The following DENND1C variants were observed in gnomAD, a reference collection of about 807,000 sequenced individuals.
The protein encoded by DENND1C is DENN domain-containing protein 1C.
A neutral mutation model predicts 87.9 loss-of-function variants in DENND1C; 64 were observed. That is an observed-to-expected ratio of 0.73 (90% CI 0.60 to 0.90). The LOEUF is 0.90. Ranked by LOEUF, DENND1C falls within the 40% of genes least tolerant of loss-of-function variation. The pLI, the probability that DENND1C is intolerant of heterozygous loss-of-function variation, is 0.00. For missense variants in DENND1C, 980 were observed against 1,037.0 expected (o/e 0.95, Z 0.76); for synonymous variants, 384 against 424.4 (o/e 0.90, Z 1.17).
At chr19:6,480,146 C>T (rs1182944776) in intron 1 of DENND1C, 95 bp from the exon 2 acceptor site, 3 of 1,529,850 alleles carry the variant, frequency 2.0e-6, no homozygotes, top group African/African-American at 2.7e-5. Context: ...GTGCATGTGC[C>T]ACAAGGTGCG....
chr19:6,467,829 G>A lies in DENND1C; in HGVS notation c.2081C>T (p.Thr694Ile), dbSNP rs2145168191. 2 of 1,567,860 alleles carry A rather than the reference G, an allele frequency of 1.3e-6. No homozygotes were observed. The highest frequency in any genetic ancestry group is 1.7e-6 in the Non-Finnish European group (2 of 1,157,552). Reference protein sequence around the residue: ...TPSHKAAEDSTAQENPTPWLS... With the variant: ...TPSHKAAEDSIAQENPTPWLS... Reference sequence around the variant, plus strand: ...CCAGGGAGTGGGGTTTTCCTGGGCTGTAGAATCTTCAGCTGCCTTGTGGGA... The same window carrying A: ...CCAGGGAGTGGGGTTTTCCTGGGCTATAGAATCTTCAGCTGCCTTGTGGGA... Residue 694 changes from threonine (T) to isoleucine (I), a missense_variant, in exon 23 of 23, where the codon ACA (threonine) becomes ATA (isoleucine). By Grantham distance (89) the Thr-to-Ile change is moderately conservative. Transcript: ENST00000381480.
chr19:6,475,826 C>T lies in DENND1C; in HGVS notation c.779+11G>A, dbSNP rs897099878. ...CCACAGGCCCTGCCCCTCCCAGCTG[C>T]CCTCGCTCACCAGCAGTAGTCCAGC... On this transcript the variant is annotated intron_variant, in intron 11 of 22. Transcript: ENST00000381480. 1.1e-5 allele frequency: 16 copies of T among 1,521,786 alleles called. No individual in the cohort carries two copies. The African/African-American group carries it at 1.9e-4, about 19-fold the overall frequency. The allele number at this position is 1,521,786 out of a possible 1,614,324, so 94.3% of individuals were successfully genotyped here. A position where few individuals can be genotyped will look rare whatever the true frequency, so the allele number is the denominator to read the frequency against.
Position 6,481,719 on chromosome 19 carries a change from G to A in DENND1C, c.-24C>T, listed in dbSNP as rs779269976. ...ATGGTCCCTGCAGGGCCAGCCCAGCGGGGCCCTCTCCCCAGGGGTCCTGGG... is the reference window on the plus strand; with the variant it reads ...ATGGTCCCTGCAGGGCCAGCCCAGCAGGGCCCTCTCCCCAGGGGTCCTGGG... On this transcript the variant is annotated 5_prime_UTR_variant, in exon 1 of 23. Transcript: ENST00000381480. 37 of 1,563,186 alleles carry A rather than the reference G, an allele frequency of 2.4e-5. No individual in the cohort carries two copies. The highest frequency in any genetic ancestry group is 3.6e-5 in the South Asian group (3 of 84,280).
chr19:6,477,186 C>T (rs2092866538), intron 8 of DENND1C, 32 bp downstream of exon 8: 1 of 1,591,014 alleles, frequency 6.3e-7, no homozygotes. Context: ...ACCTGGACCC[C>T]CGACCTTCCA....
At chr19:6,476,749 C>T in intron 10 of DENND1C, 108 bp downstream of exon 10, 1 of 1,156,908 alleles carries the variant, frequency 8.6e-7, no homozygotes, top group Non-Finnish European at 1.2e-6. Flanking sequence ...GGACTTCGCC[C>T]TCGGGTCTCG....
rs2092851906 is a variant in DENND1C at position 6,475,274 on chromosome 19, C to T, written c.1053G>A (p.Pro351=). 2 of 1,612,984 alleles carry T rather than the reference C, an allele frequency of 1.2e-6. No individual in the cohort carries two copies. The highest frequency in any genetic ancestry group is 1.7e-5 in the Admixed American group (1 of 60,002). ...CTCCCGCAGCGTCCCCGCTGCTCAC[C>T]GGGCTGCAGACGAGTGCGTCGCGGT... is the stretch of plus-strand genomic sequence containing the variant. ...GGYRDALVCS[P]GQPVTFSEEV... is the part of the protein sequence containing the mutation. The change falls in exon 14 of 23, where the codon CCG becomes CCA. Residue 351 remains proline (P), a splice_region_variant and synonymous_variant. Transcript: ENST00000381480.
intron 17 of DENND1C, 104 bp downstream of exon 17, chr19:6,471,161 G>T: frequency 6.7e-7 from 1 of 1,486,536 alleles, no homozygotes; most frequent in Non-Finnish European, 9.1e-7. Context: ...GCCCTAACCG[G>T]TCTCAAACTT....
intron 9 of DENND1C, 39 bp downstream of exon 9, chr19:6,477,035 G>A (rs1195877495): frequency 3.1e-6 from 5 of 1,613,224 alleles, no homozygotes; most frequent in Non-Finnish European, 4.2e-6. Context: ...TCCGGGTTTC[G>A]GGACCTGTTC....
chr19:6,473,922 C>T (rs1189171661), intron 14 of DENND1C, among the ~76,000 whole-genome samples: 6 of 151,920 alleles, frequency 3.9e-5, no homozygotes, highest in Admixed American at 2.0e-4. Flanking sequence ...AGGCCGGGCG[C>T]GGTGGATCAC....
intron 14 of DENND1C, among the ~76,000 whole-genome samples, chr19:6,474,680 T>C (rs1339674213): frequency 1.3e-5 from 2 of 152,124 alleles, no homozygotes; most frequent in Non-Finnish European, 2.9e-5. Context: ...TGGGTGGCAC[T>C]ATTGGGGTCC....
rs755385299 is a variant in DENND1C, at chr19:6,475,743, A to T, written c.788T>A (p.Met263Lys). ...GGCGTGCACTCCAATGAGGTAGGGC[A>T]TGGGCGCGCTGCGGACCGAGGGGAC... ...PHLLDYCCAPMPYLIGVHASL... is the reference protein window; with the variant it reads ...PHLLDYCCAPKPYLIGVHASL... The change falls in exon 12 of 23, where the codon ATG becomes AAG. Residue 263 changes from methionine (M) to lysine (K), a missense_variant. Transcript: ENST00000381480. The T allele has an allele frequency of 1.2e-5, 19 of 1,569,170 alleles. No homozygotes were observed. The highest frequency in any genetic ancestry group is 1.6e-5 in the Non-Finnish European group (19 of 1,156,264).
In DENND1C at chr19:6,467,576, G is replaced by A. The variant is rs768375594; in HGVS notation, c.2334C>T (p.Thr778=). 24 of 1,606,252 alleles carry A rather than the reference G, an allele frequency of 1.5e-5. No homozygotes were observed. Among genetic ancestry groups the A allele is most frequent in the Non-Finnish European group, 1.8e-5 (21 of 1,177,364 alleles). ...TGGGCTGGGACTTTTGACAGTTGCT[G>A]GTGGGTGTAGCAGGGGAATTCAGGG... ...PGALNSPATP[T]SNCQKSQPSS... The change falls in exon 23 of 23, where the codon ACC becomes ACT. Residue 778 remains threonine, a synonymous_variant. Coordinates refer to ENST00000381480, the MANE Select transcript of DENND1C (RefSeq NM_024898.4).
intron 10 of DENND1C, 74 bp from the exon 11 acceptor site, chr19:6,476,011 C>T: frequency 7.5e-7 from 1 of 1,332,178 alleles, no homozygotes; most frequent in East Asian, 2.5e-5. Flanking sequence ...CTGCATTTCC[C>T]ACGTCCCCAG....
In DENND1C at chr19:6,479,967, C is replaced by T. The variant is rs371596691; in HGVS notation, c.82+20G>A. On this transcript the variant is annotated intron_variant, in intron 2 of 22. Coordinates refer to ENST00000381480, the MANE Select transcript of DENND1C (RefSeq NM_024898.4). ...CCCACCCTCCCCTCCCACTCCCTCA[C>T]TCCCAGGCTCCCAACTCACCCTCCT... 3 of 1,597,432 alleles carry T rather than the reference C, an allele frequency of 1.9e-6. No individual in the cohort carries two copies. Among genetic ancestry groups the T allele is most frequent in the Middle Eastern group, 1.7e-4 (1 of 6,002 alleles).
intron 10 of DENND1C, chr19:6,476,650 T>TC (rs2092862511): frequency 5.2e-6 from 3 of 574,144 alleles, no homozygotes; most frequent in Non-Finnish European, 9.2e-6. Flanking sequence ...AGCACAGTAC[T>TC]CCCAAAAAGG....
chr19:6,476,113 T>TA (rs2092858456), intron 10 of DENND1C, 176 bp from the exon 11 acceptor site: 2 of 628,244 alleles, frequency 3.2e-6, no homozygotes, highest in Admixed American at 6.7e-5. Context: ...TTTGGCCACT[T>TA]ACAGTGCTTT....
chr19:6,481,529 C>G, intron 1 of DENND1C, 150 bp downstream of exon 1: 2 of 1,084,020 alleles, frequency 1.8e-6, no homozygotes, highest in Non-Finnish European at 2.6e-6. Flanking sequence ...AAGGTCATAG[C>G]GGAGGCCCAT....
rs764875628 is a variant in DENND1C, at chr19:6,478,992, TGCG to T, written c.238_240del (p.Arg81del). ...GCCCGCAGGCGGCAGAAACCAAATC[TGCG>T]GTTGCCGGCAAGGTCTGTGAGGGCG... On this transcript the variant is annotated inframe_deletion, in exon 5 of 23. Coordinates refer to ENST00000381480, the MANE Select transcript of DENND1C (RefSeq NM_024898.4). The T allele has an allele frequency of 5.1e-5, 82 of 1,613,702 alleles. 1 individual carries two copies. The highest frequency in any genetic ancestry group is 1.2e-4 in the Admixed American group (7 of 59,984).
At chr19:6,472,215 G>A (rs1039242036) in intron 15 of DENND1C, among the ~76,000 whole-genome samples, 2 of 109,288 alleles carry the variant, frequency 1.8e-5, no homozygotes, top group African/African-American at 7.2e-5. Context: ...AGGAAATCCT[G>A]GGATTTCACA....
Sources: allele counts gnomAD v4.1 joint callset (sites outside exome capture counted in the v4.1 genomes callset), GRCh38; gene constraint gnomAD v4.1.1; transcripts MANE v1.5; gene names NCBI Gene and HGNC (gene_info 2026-07-23, HGNC 2026-07-21).